Variants in PCDHGA6 observed in about 807,000 individuals in gnomAD.
The protein encoded by PCDHGA6 is protocadherin gamma subfamily A, 6.
PCDHGA6 carries 41 observed loss-of-function variants against 60.6 expected under a neutral mutation model. That is an observed-to-expected ratio of 0.68 (90% confidence interval 0.53 to 0.88). PCDHGA6 has a LOEUF of 0.88. Among genes scored for constraint, PCDHGA6 ranks in the 40% least tolerant of loss-of-function variants. The probability of loss-of-function intolerance (pLI) is 0.00; values close to 1 mark genes in which losing one functional copy is unlikely to be tolerated. For synonymous variants in PCDHGA6, 594 were observed against 524.4 expected, an observed-to-expected ratio of 1.13 and a Z score of -1.81; for missense variants, 1,312 against 1,203.0, an observed-to-expected ratio of 1.09 and a Z score of -1.34.
At chr5:141,390,249 C>A (rs749702926) in intron 1 of PCDHGA6, 1 of 1,614,046 alleles carries the variant, frequency 6.2e-7, no homozygotes, top group South Asian at 1.1e-5. Context: ...CTTATTTCCA[C>A]TTTGTAATTC....
At chr5:141,407,932 C>T (rs1465007397) in intron 1 of PCDHGA6, 7 of 504,268 alleles carry the variant, frequency 1.4e-5, no homozygotes, top group Non-Finnish European at 2.0e-5. Context: ...CACGGAGCCT[C>T]TGGGCGCCGC....
intron 1 of PCDHGA6, among the ~76,000 whole-genome samples, chr5:141,479,138 T>G (rs1469363480): frequency 6.6e-6 from 1 of 152,232 alleles, no homozygotes; most frequent in Non-Finnish European, 1.5e-5. Flanking sequence ...GCACCCTGCT[T>G]ACAAAATATT....
At chr5:141,427,952 T>C (rs1311471634) in intron 1 of PCDHGA6, 38 of 1,587,018 alleles carry the variant, frequency 2.4e-5, no homozygotes, top group Non-Finnish European at 2.8e-5. Flanking sequence ...TCAATGACAA[T>C]GTGCCGCGGG....
chr5:141,415,107 A>C (rs372656276), intron 1 of PCDHGA6: 12 of 1,613,634 alleles, frequency 7.4e-6, no homozygotes, highest in East Asian at 2.2e-5. Context: ...CGCTCAAGCA[A>C]AGCCTCGTAG....
At chr5:141,500,221 TTTA>T (rs1428029040) in intron 2 of PCDHGA6, among the ~76,000 whole-genome samples, 2 of 151,002 alleles carry the variant, frequency 1.3e-5, no homozygotes, top group Non-Finnish European at 2.9e-5. Flanking sequence ...TATTTATTTA[TTTA>T]TTGATACGTA....
At chr5:141,470,202 A>G (rs928782890) in intron 1 of PCDHGA6, among the ~76,000 whole-genome samples, 9 of 152,216 alleles carry the variant, frequency 5.9e-5, no homozygotes, top group Non-Finnish European at 1.2e-4. Flanking sequence ...GATAAATATG[A>G]AGGCTAAACC....
At chr5:141,417,213 G>A (rs1470553702) in intron 1 of PCDHGA6, 2 of 152,108 alleles carry the variant, frequency 1.3e-5, no homozygotes, top group African/African-American at 4.8e-5. Context: ...GGCTAGAATT[G>A]AAGACAAAAA....
chr5:141,492,398 C>T (rs1347317333), intron 1 of PCDHGA6, among the ~76,000 whole-genome samples: 2 of 152,244 alleles, frequency 1.3e-5, no homozygotes, highest in Non-Finnish European at 1.5e-5. Flanking sequence ...CCACTCGCAG[C>T]TCCCCTCTGC....
chr5:141,485,070 G>T lies in PCDHGA6; in HGVS notation c.2425-9737G>T. ...CGCCGGCCGAACCGCGCCAGAGCTG[G>T]CGCGGGGAAAGGGAGATAGGTGTCT... On this transcript the variant is annotated intron_variant, in intron 1 of 3. Coordinates refer to ENST00000517434, the MANE Select transcript of PCDHGA6 (RefSeq NM_018919.3). This position sits in a 1 kb window ranked among gnomAD's most constrained non-coding sequence, Gnocchi z 5.7. 1.1e-6 allele frequency: 1 copy of T among 908,406 alleles called. No individual in the cohort carries two copies. Among genetic ancestry groups the T allele is most frequent in the East Asian group, 2.4e-5 (1 of 41,326 alleles). 56.3% of individuals were successfully genotyped at this position (908,406 alleles called of 1,614,324 possible).
At chr5:141,410,818 T>G in intron 1 of PCDHGA6, 2 of 556,016 alleles carry the variant, frequency 3.6e-6, no homozygotes, top group Non-Finnish European at 5.8e-6. Context: ...TGTAAAATAA[T>G]GTCACCAGAC....
intron 1 of PCDHGA6, chr5:141,384,679 G>T: frequency 6.2e-7 from 1 of 1,614,216 alleles, no homozygotes; most frequent in Non-Finnish European, 8.5e-7. Context: ...GGTGGTGGCG[G>T]TGGACAAAGA....
intron 1 of PCDHGA6, among the ~76,000 whole-genome samples, chr5:141,484,096 G>T (rs539388257): frequency 6.6e-6 from 1 of 152,244 alleles, no homozygotes; most frequent in Non-Finnish European, 1.5e-5. Flanking sequence ...GTCTTCGTTG[G>T]TAATTAACAA....
At position 141,374,110 on chromosome 5, in the gene PCDHGA6, G is replaced by T. The variant is rs1402267775; in HGVS notation, c.27G>T (p.Gln9His). Reference protein sequence around the residue: MAPPQRHPQRSEQVLLLTL... With the variant: MAPPQRHPHRSEQVLLLTL... The stretch of plus-strand genomic sequence containing the variant: ...TGGCGCCTCCGCAGAGGCATCCGCA[G>T]CGCAGCGAGCAGGTCCTGCTCCTCA... Residue 9 changes from glutamine (Q) to histidine (H), a missense_variant, in exon 1 of 4, where the codon CAG becomes CAT. Physicochemically the swap from Gln to His is conservative, Grantham distance 24. Coordinates refer to ENST00000517434, the MANE Select transcript of PCDHGA6 (RefSeq NM_018919.3). 7.0e-6 allele frequency: 11 copies of T among 1,576,896 alleles called. No homozygotes were observed. The highest frequency in any genetic ancestry group is 9.5e-6 in the Non-Finnish European group (11 of 1,159,444).
intron 1 of PCDHGA6, among the ~76,000 whole-genome samples, chr5:141,465,343 TG>T (rs1048302340): frequency 1.5e-4 from 23 of 152,118 alleles, no homozygotes; most frequent in African/African-American, 5.3e-4. Flanking sequence ...TATTGGTTAC[TG>T]AAGAAAAAAT....
intron 1 of PCDHGA6, chr5:141,420,202 C>G: frequency 1.2e-6 from 2 of 1,613,256 alleles, no homozygotes; most frequent in Non-Finnish European, 1.7e-6. Context: ...AAGATAACCT[C>G]AACAAAGATA....
chr5:141,428,288 A>G (rs1413902705), intron 1 of PCDHGA6: 1 of 728,846 alleles, frequency 1.4e-6, no homozygotes, highest in Middle Eastern at 2.3e-4. Flanking sequence ...TCCCAAGCAA[A>G]GCTGCAGATT....
rs750129951 is a variant in PCDHGA6 at position 141,375,757 on chromosome 5, T to C, written c.1674T>C (p.Asn558=). The C allele has an allele frequency of 6.1e-5, 99 of 1,614,196 alleles. 1 individual carries two copies. The South Asian group carries it at 8.5e-4, about 14-fold the overall frequency. The change falls in exon 1 of 4, where the codon AAT becomes AAC. Residue 558 remains asparagine, a synonymous_variant. Coordinates refer to ENST00000517434, the MANE Select transcript of PCDHGA6 (RefSeq NM_018919.3). The part of the protein sequence containing the change: ...LSLFVLDQND[N]APEILYPALP... Reference sequence around the variant, plus strand: ...TGTTTGTGCTGGACCAGAATGACAATGCGCCCGAGATCCTGTACCCCGCCC... The same window carrying C: ...TGTTTGTGCTGGACCAGAATGACAACGCGCCCGAGATCCTGTACCCCGCCC...
At chr5:141,419,155 A>G in intron 1 of PCDHGA6, 1 of 1,613,966 alleles carries the variant, frequency 6.2e-7, no homozygotes, top group Middle Eastern at 1.6e-4. Context: ...AGCCTCCGTT[A>G]TCCTCCAGCA....
intron 1 of PCDHGA6, chr5:141,415,463 T>G: frequency 6.2e-7 from 1 of 1,614,228 alleles, no homozygotes; most frequent in South Asian, 1.1e-5. Flanking sequence ...GAGGTCTCTC[T>G]CACCGCGGAC....
Sources: allele counts gnomAD v4.1 joint callset (sites outside exome capture counted in the v4.1 genomes callset), GRCh38; gene constraint gnomAD v4.1.1; non-coding constraint Gnocchi (gnomAD v3.1); transcripts MANE v1.5; gene names NCBI Gene and HGNC (gene_info 2026-07-23, HGNC 2026-07-21).